The following IL36B variants were observed in gnomAD, a reference collection of about 807,000 sequenced individuals.
IL36B encodes interleukin 36 beta, also known as interleukin-36 beta.
A neutral mutation model predicts 19.3 loss-of-function variants in IL36B; 23 were observed. That is an observed-to-expected ratio of 1.19 (90% CI 0.86 to 1.69). The LOEUF (loss-of-function observed/expected upper bound fraction) is 1.69, where lower values mean the gene tolerates loss of function less well. Among genes scored for constraint, IL36B ranks in the 40% most tolerant of loss-of-function variants. The probability of loss-of-function intolerance (pLI) is 0.00; values close to 1 mark genes in which losing one functional copy is unlikely to be tolerated. For synonymous variants in IL36B, 59 were observed against 59.7 expected (o/e 0.99, Z 0.05); for missense variants, 217 against 200.5 (o/e 1.08, Z -0.50).
intron 5 of IL36B, among the ~76,000 whole-genome samples, chr2:113,023,955 C>T (rs1684907784): frequency 6.6e-6 from 1 of 152,092 alleles, no homozygotes; most frequent in Admixed American, 6.5e-5. Flanking sequence ...GCTTATAGAG[C>T]TTTTTACATT....
chr2:113,051,211 TG>T (rs1685439140), intron 1 of IL36B, among the ~76,000 whole-genome samples: 1 of 152,184 alleles, frequency 6.6e-6, no homozygotes, highest in African/African-American at 2.4e-5. Context: ...TGCCTAGCCC[TG>T]GGTTTATTTC....
intron 3 of IL36B, among the ~76,000 whole-genome samples, chr2:113,030,045 A>G (rs35391805): frequency 0.09 from 13,747 of 152,190 alleles, 724 homozygotes; most frequent in African/African-American, 0.12. Context: ...AGCCTGACCA[A>G]TGTGGTGAAA....
intron 5 of IL36B, among the ~76,000 whole-genome samples, chr2:113,025,458 A>G (rs776913488): frequency 3.3e-5 from 5 of 152,182 alleles, no homozygotes; most frequent in Non-Finnish European, 7.3e-5. Context: ...AGAGGGAGGG[A>G]AGATTTGGTA....
rs535363531 is a variant in IL36B, at chr2:113,040,729, G to C, written c.-57-8963C>G. ...AAAACTACAAAGTGTTACTGAGAGA[G>C]ATTAAAGAATACCTAAATAATTGAA... On this transcript the variant is annotated intron_variant, in intron 1 of 5. Transcript: ENST00000259213. Among the ~76,000 whole-genome samples the C allele has an allele frequency of 2.0e-5, 3 of 152,298 alleles. No individual in the cohort carries two copies. The South Asian group carries it at 6.2e-4, about 32-fold the overall frequency.
chr2:113,035,352 G>A (rs1374584690), intron 1 of IL36B, among the ~76,000 whole-genome samples: 1 of 152,188 alleles, frequency 6.6e-6, no homozygotes, highest in African/African-American at 2.4e-5. Flanking sequence ...GACTGTACCA[G>A]AAACTGTGGG....
chr2:113,041,888 T>C (rs533734910), intron 1 of IL36B, among the ~76,000 whole-genome samples: 6 of 152,246 alleles, frequency 3.9e-5, no homozygotes, highest in South Asian at 2.1e-4. Flanking sequence ...GAGTTAACAA[T>C]CTAATTTTTA....
chr2:113,032,289 C>T (rs1216546776), intron 1 of IL36B, among the ~76,000 whole-genome samples: 1 of 152,154 alleles, frequency 6.6e-6, no homozygotes, highest in African/African-American at 2.4e-5. Flanking sequence ...TTCCATTCCT[C>T]ATCCAAAGAG....
chr2:113,026,105 A>G lies in IL36B; in HGVS notation c.389T>C (p.Val130Ala). The change falls in exon 5 of 6, where the codon GTG becomes GCG. Residue 130 changes from valine (V) to alanine (A), a missense_variant and splice_region_variant. By Grantham distance (64) the Val-to-Ala change is moderately conservative. Transcript: ENST00000259213. ...GGATAAGAGAATTTGCTCCTCACCC[A>G]CTCCTATTCCCCATTGGTCAAGGGT... 6.2e-7 allele frequency: 1 copy of G among 1,612,494 alleles called. No homozygotes were observed. Among genetic ancestry groups the G allele is most frequent in the Non-Finnish European group, 8.5e-7 (1 of 1,179,640 alleles).
chr2:113,028,210 C>T, intron 4 of IL36B, 95 bp from the exon 5 acceptor site: 4 of 976,850 alleles, frequency 4.1e-6, no homozygotes, highest in South Asian at 2.9e-5. Flanking sequence ...GGACTGCTGC[C>T]CCCAAAGGAA....
intron 3 of IL36B, among the ~76,000 whole-genome samples, chr2:113,029,678 C>A (rs1685037503): frequency 6.6e-6 from 1 of 152,172 alleles, no homozygotes; most frequent in Non-Finnish European, 1.5e-5. Context: ...TTAGAGGTAT[C>A]TGAGAGGACC....
At position 113,029,082 on chromosome 2, in the gene IL36B, G is replaced by C. The variant is rs1438349896; in HGVS notation, c.122-4C>G. ...CAGGCTATTAAATGAAGAGTGACTG[G>C]AAACACAAAGGAAAATGGAGAAGAT... On this transcript the variant is annotated splice_polypyrimidine_tract_variant and splice_region_variant and intron_variant, in intron 3 of 5. Transcript: ENST00000259213. 1.2e-6 allele frequency: 2 copies of C among 1,610,210 alleles called. No individual in the cohort carries two copies. The highest frequency in any genetic ancestry group is 1.7e-6 in the Non-Finnish European group (2 of 1,178,344).
chr2:113,024,412 G>C (rs956086701), intron 5 of IL36B, among the ~76,000 whole-genome samples: 4 of 152,144 alleles, frequency 2.6e-5, no homozygotes, highest in Non-Finnish European at 4.4e-5. Flanking sequence ...CCATACTACA[G>C]ATAGACAAGG....
At chr2:113,022,902 T>C (rs532149478) in intron 5 of IL36B, 6 of 634,666 alleles carry the variant, frequency 9.5e-6, no homozygotes, top group South Asian at 9.2e-5. Context: ...GGAGTTTGCC[T>C]TCCTCTCAGC....
chr2:113,031,802 G>A, intron 1 of IL36B, 36 bp from the exon 2 acceptor site: 1 of 867,894 alleles, frequency 1.2e-6, no homozygotes, highest in Non-Finnish European at 1.9e-6. Flanking sequence ...AAGGAGAGAA[G>A]AAACATGTTA....
chr2:113,043,982 C>T lies in IL36B; in HGVS notation c.-58+8835G>A, dbSNP rs537189113. Reference sequence around the variant, plus strand: ...TGCCAATGCCACATGTAATAATCAGCATGTCAATTTCTTTAATAAAAGCCT... The same window carrying T: ...TGCCAATGCCACATGTAATAATCAGTATGTCAATTTCTTTAATAAAAGCCT... On this transcript the variant is annotated intron_variant, in intron 1 of 5. Coordinates refer to ENST00000259213, the MANE Select transcript of IL36B (RefSeq NM_014438.5). Among the ~76,000 whole-genome samples, 276 of 152,290 alleles carry T rather than the reference C, an allele frequency of 1.8e-3. 3 individuals carry two copies. Among genetic ancestry groups the T allele is most frequent in the Admixed American group, 3.2e-3 (49 of 15,292 alleles).
chr2:113,028,007 C>G, intron 4 of IL36B: 1 of 1,614,110 alleles, frequency 6.2e-7, no homozygotes, highest in Non-Finnish European at 8.5e-7. Flanking sequence ...ATGAACCAGC[C>G]AGGGTAAGAG....
chr2:113,039,515 T>C (rs1337702713), intron 1 of IL36B, among the ~76,000 whole-genome samples: 1 of 152,184 alleles, frequency 6.6e-6, no homozygotes, highest in Non-Finnish European at 1.5e-5. Context: ...ATAAATATAC[T>C]AGCCATTATG....
intron 5 of IL36B, among the ~76,000 whole-genome samples, chr2:113,025,010 C>T (rs908106249): frequency 6.6e-6 from 1 of 152,190 alleles, no homozygotes; most frequent in African/African-American, 2.4e-5. Flanking sequence ...TGCCCCTATG[C>T]TGTTGTGCAT....
intron 1 of IL36B, among the ~76,000 whole-genome samples, chr2:113,049,670 T>C (rs2105059139): frequency 6.6e-6 from 1 of 152,172 alleles, no homozygotes; most frequent in Admixed American, 6.5e-5. Context: ...TGTGGAGGAA[T>C]TGGGTGGGGC....
Sources: gnomAD v4.1 joint callset for allele counts (sites outside exome capture counted in the v4.1 genomes callset) on GRCh38, gnomAD v4.1.1 for gene constraint, MANE v1.5 for transcripts, NCBI Gene and HGNC (gene_info 2026-07-23, HGNC 2026-07-21) for gene names.